RBFOX3: variants seen among roughly 807,000 people sequenced by gnomAD.
The protein encoded by RBFOX3 is RNA binding protein fox-1 homolog 3.
In RBFOX3, 17 loss-of-function variants were observed where a neutral mutation model predicts 48.7. That is an observed-to-expected ratio of 0.35 (90% CI 0.24 to 0.52). The LOEUF (loss-of-function observed/expected upper bound fraction) is 0.52, where lower values mean the gene tolerates loss of function less well. RBFOX3 is among the 20% of genes least tolerant of loss of function. The pLI is 0.94. For synonymous variants in RBFOX3, 212 were observed against 209.5 expected (o/e 1.01, Z -0.10); for missense variants, 382 against 497.5 (o/e 0.77, Z 2.21).
At chr17:79,470,128 G>A (rs1243919142) in intron 2 of RBFOX3, among the ~76,000 whole-genome samples, 1 of 152,140 alleles carries the variant, frequency 6.6e-6, no homozygotes, top group African/African-American at 2.4e-5. Context: ...CACACACACA[G>A]CCCCTGGCCC....
chr17:79,279,874 C>G (rs2069846663), intron 3 of RBFOX3, among the ~76,000 whole-genome samples: 1 of 152,184 alleles, frequency 6.6e-6, no homozygotes, highest in South Asian at 2.1e-4. Context: ...TAGGGAGGAA[C>G]AACTGGAAGG....
Position 79,220,502 on chromosome 17 carries a change from G to A in RBFOX3, c.-34+15264C>T, listed in dbSNP as rs556928655. On this transcript the variant is annotated intron_variant, in intron 4 of 14. Coordinates refer to ENST00000693108, the MANE Select transcript of RBFOX3 (RefSeq NM_001350451.2). This position sits in a 1 kb window ranked among gnomAD's most constrained non-coding sequence, Gnocchi z 5.9. ...CATCGATGGGGTCCTGCCCGGCACT[G>A]CCCTGTCGCAGTCACTCCTGCTGCC... is the stretch of plus-strand genomic sequence containing the variant. 3.3e-5 allele frequency among the ~76,000 whole-genome samples: 5 copies of A among 152,214 alleles called. No individual in the cohort carries two copies. The highest frequency in any genetic ancestry group is 1.2e-4 in the African/African-American group (5 of 41,538).
chr17:79,560,129 A>C (rs919586910), intron 1 of RBFOX3, among the ~76,000 whole-genome samples: 35 of 152,142 alleles, frequency 2.3e-4, no homozygotes, highest in African/African-American at 8.0e-4. Flanking sequence ...CTAGAAAATC[A>C]GGTCCAAAGT....
chr17:79,109,387 G>A (rs1396283707), intron 5 of RBFOX3, among the ~76,000 whole-genome samples: 1 of 152,144 alleles, frequency 6.6e-6, no homozygotes, highest in African/African-American at 2.4e-5. Context: ...GGGCAATGCA[G>A]GGCAGCTGAC....
rs576182275 is a variant in RBFOX3, at chr17:79,362,882, C to A, written c.-174-55058G>T. Among the ~76,000 whole-genome samples, 2 of 152,124 alleles carry A rather than the reference C, an allele frequency of 1.3e-5. No homozygotes were observed. The highest frequency in any genetic ancestry group is 3.9e-4 in the East Asian group (2 of 5,184). ...GTGCAGACCTCATTCTCGGACACTT[C>A]GAGGCCACACAGGTGTGAGAGGTCC... On this transcript the variant is annotated intron_variant, in intron 2 of 14. Coordinates refer to ENST00000693108, the MANE Select transcript of RBFOX3 (RefSeq NM_001350451.2). The surrounding 1 kb of genome is among the most constrained non-coding windows in gnomAD (Gnocchi z 4.2).
At chr17:79,577,634 T>C (rs1418765092) in intron 1 of RBFOX3, among the ~76,000 whole-genome samples, 3 of 152,218 alleles carry the variant, frequency 2.0e-5, no homozygotes, top group Non-Finnish European at 4.4e-5. Context: ...GGGCGCACAC[T>C]TTGCCAACAA....
intron 9 of RBFOX3, chr17:79,100,277 C>T (rs2076170935): frequency 6.6e-6 from 1 of 152,224 alleles, no homozygotes; most frequent in Admixed American, 6.5e-5. Context: ...CACCTGTACC[C>T]TATAAAAATG....
At chr17:79,174,759 A>G (rs1198284006) in intron 4 of RBFOX3, among the ~76,000 whole-genome samples, 1 of 151,690 alleles carries the variant, frequency 6.6e-6, no homozygotes, top group African/African-American at 2.4e-5. Flanking sequence ...ACGCACACAC[A>G]ACACACTTGC....
rs949591990 is a variant in RBFOX3 at position 79,473,248 on chromosome 17, T to G, written c.-175+9206A>C. 2.0e-5 allele frequency among the ~76,000 whole-genome samples: 3 copies of G among 152,314 alleles called. No homozygotes were observed. The highest frequency in any genetic ancestry group is 4.4e-5 in the Non-Finnish European group (3 of 68,020). On this transcript the variant is annotated intron_variant, in intron 2 of 14. Coordinates refer to ENST00000693108, the MANE Select transcript of RBFOX3 (RefSeq NM_001350451.2). The surrounding 1 kb of genome is among the most constrained non-coding windows in gnomAD (Gnocchi z 4.2). Reference sequence around the variant, plus strand: ...GCTGGCACCCATCCACAGACCTCACTTTGAGTAGCTGAGATATGGGTCATG... The same window carrying G: ...GCTGGCACCCATCCACAGACCTCACGTTGAGTAGCTGAGATATGGGTCATG...
intron 1 of RBFOX3, among the ~76,000 whole-genome samples, chr17:79,560,458 C>A (rs912337327): frequency 1.3e-5 from 2 of 152,188 alleles, no homozygotes; most frequent in African/African-American, 4.8e-5. Flanking sequence ...GCCTCAGGAC[C>A]AGTCAGAACA....
the RBFOX3 span, among the ~76,000 whole-genome samples, chr17:79,620,084 A>ATGCAC: frequency 8.0e-6 from 1 of 125,276 alleles, no homozygotes; most frequent in Non-Finnish European, 1.7e-5. Flanking sequence ...CATGCACACA[A>ATGCAC]GCACATGCAC....
chr17:79,336,463 C>T (rs564231402), intron 2 of RBFOX3, among the ~76,000 whole-genome samples: 7 of 152,026 alleles, frequency 4.6e-5, no homozygotes, highest in Non-Finnish European at 8.8e-5. Flanking sequence ...CCAGGTGGGG[C>T]AACCGAGCTT....
chr17:79,627,258 C>T, the RBFOX3 span, among the ~76,000 whole-genome samples: 2 of 152,200 alleles, frequency 1.3e-5, no homozygotes, highest in South Asian at 2.1e-4. Context: ...CCACCTGATG[C>T]CACCTTCCCC....
chr17:79,492,166 C>T (rs2080774998), intron 1 of RBFOX3, among the ~76,000 whole-genome samples: 1 of 152,176 alleles, frequency 6.6e-6, no homozygotes, highest in South Asian at 2.1e-4. Context: ...TGAAGAGCCC[C>T]TGGAATGTCG....
chr17:79,592,527 C>G (rs2145132104), intron 1 of RBFOX3, among the ~76,000 whole-genome samples: 1 of 152,188 alleles, frequency 6.6e-6, no homozygotes, highest in African/African-American at 2.4e-5. Context: ...CTGTGGGCAA[C>G]TGGAGCTGGA....
chr17:79,408,605 G>A (rs926352695), intron 2 of RBFOX3, among the ~76,000 whole-genome samples: 1 of 152,208 alleles, frequency 6.6e-6, no homozygotes, highest in Non-Finnish European at 1.5e-5. Flanking sequence ...GGGGGTGCTG[G>A]ATGGAAGGCA....
rs149064386 is a variant in RBFOX3, at chr17:79,121,654, T to C, written c.-33-5906A>G. Among the ~76,000 whole-genome samples the C allele has an allele frequency of 5.5e-3, 835 of 152,296 alleles. 3 individuals carry two copies. Among genetic ancestry groups the C allele is most frequent in the Middle Eastern group, 0.01 (3 of 294 alleles). ...TTAGCCATAGTTGGTGGCTCCTCTA[T>C]GTGGAGACACTTCTCTTGGCTGCAC... is the stretch of plus-strand genomic sequence containing the variant. On this transcript the variant is annotated intron_variant, in intron 4 of 14. Transcript: ENST00000693108.
rs145586100 is a variant in RBFOX3 at position 79,277,261 on chromosome 17, G to GCTCCAAGGC, written c.-74+30454_-74+30462dup. Among the ~76,000 whole-genome samples the GCTCCAAGGC allele has an allele frequency of 2.4e-3, 342 of 141,918 alleles. 2 individuals are homozygous for GCTCCAAGGC. The highest frequency in any genetic ancestry group is 7.8e-3 in the African/African-American group (301 of 38,466). The allele number at this position is 141,918 out of a possible 152,430, so 93.1% of individuals were successfully genotyped here. A position where few individuals can be genotyped will look rare whatever the true frequency, so the allele number is the denominator to read the frequency against. The stretch of plus-strand genomic sequence containing the variant: ...CCTGGCTCTGCCCAGATCTTTCAAA[G>GCTCCAAGGC]CTCCAAGGCCTCCAAGGCCTCCAAG... On this transcript the variant is annotated intron_variant, in intron 3 of 14. Coordinates refer to ENST00000693108, the MANE Select transcript of RBFOX3 (RefSeq NM_001350451.2).
intron 1 of RBFOX3, among the ~76,000 whole-genome samples, chr17:79,582,578 G>A (rs1289404076): frequency 6.6e-6 from 1 of 151,994 alleles, no homozygotes; most frequent in Non-Finnish European, 1.5e-5. Context: ...TGAGGCAACA[G>A]GATTGCTTGA....
Sources: gnomAD v4.1 joint callset for allele counts (sites outside exome capture counted in the v4.1 genomes callset) on GRCh38, gnomAD v4.1.1 for gene constraint, Gnocchi (gnomAD v3.1) non-coding constraint, MANE v1.5 for transcripts, NCBI Gene and HGNC (gene_info 2026-07-23, HGNC 2026-07-21) for gene names.